The following DCK variants were observed in gnomAD, a reference collection of about 807,000 sequenced individuals.
The protein encoded by DCK is deoxycytidine kinase.
Under a neutral mutation model 38.3 loss-of-function variants are expected in DCK, and 23 were observed. The ratio of observed to expected loss-of-function variants is 0.60; its 90% confidence interval spans 0.43 to 0.85. DCK has a LOEUF of 0.85. Ranked by LOEUF, DCK falls within the 40% of genes least tolerant of loss-of-function variation. The pLI, the probability that DCK is intolerant of heterozygous loss-of-function variation, is 0.00. For synonymous variants in DCK, 108 were observed against 100.6 expected, an observed-to-expected ratio of 1.07 and a Z score of -0.44; for missense variants, 259 against 304.4, an observed-to-expected ratio of 0.85 and a Z score of 1.11.
At chr4:70,996,810 C>T (rs1389704461) in intron 1 of DCK, among the ~76,000 whole-genome samples, 2 of 152,128 alleles carry the variant, frequency 1.3e-5, no homozygotes, top group Non-Finnish European at 2.9e-5. Flanking sequence ...TGCTTCTCAT[C>T]TTAATAGTCT....
chr4:71,017,424 A>G lies in DCK; in HGVS notation c.208-4943A>G, dbSNP rs562729653. On this transcript the variant is annotated intron_variant, in intron 2 of 6. Coordinates refer to ENST00000286648, the MANE Select transcript of DCK (RefSeq NM_000788.3). ...TACCATTTGACCCAGCCATCCCATT[A>G]GTGGGTATATACCCAAAGGATTATA... Among the ~76,000 whole-genome samples the G allele has an allele frequency of 7.9e-5, 12 of 152,312 alleles. No individual in the cohort carries two copies. The East Asian group carries it at 2.3e-3, about 29-fold the overall frequency.
At chr4:71,017,465 C>G (rs1341005696) in intron 2 of DCK, among the ~76,000 whole-genome samples, 1 of 152,038 alleles carries the variant, frequency 6.6e-6, no homozygotes, top group African/African-American at 2.4e-5. Context: ...TGCTGCTATA[C>G]AGACACATGC....
rs530912927 is a variant in DCK, at chr4:71,004,466, C to CT, written c.207+6287dup. 2.5e-4 allele frequency among the ~76,000 whole-genome samples: 38 copies of CT among 152,330 alleles called. 1 individual carries two copies. The South Asian group carries it at 3.5e-3, about 14-fold the overall frequency. ...GACCCACTTGAGGATGCTGCCTGTC[C>CT]TTTAGCAGAGCTTGAGCGCTGCGCT... On this transcript the variant is annotated intron_variant, in intron 2 of 6. Transcript: ENST00000286648.
intron 3 of DCK, among the ~76,000 whole-genome samples, chr4:71,023,135 TATAA>T (rs1225073915): frequency 2.0e-5 from 3 of 152,214 alleles, no homozygotes; most frequent in Admixed American, 2.0e-4. Flanking sequence ...TACATATTAA[TATAA>T]ATACATTTGA....
rs1408455875 is a variant in DCK, at chr4:71,023,261, A to G, written c.402-298A>G. On this transcript the variant is annotated intron_variant, in intron 3 of 6. Coordinates refer to ENST00000286648, the MANE Select transcript of DCK (RefSeq NM_000788.3). ...TTAAAAGACAGCTGGATTTTTATTTATGCTTCTGTATTTAATCTGTTATGG... is the reference window on the plus strand; with the variant it reads ...TTAAAAGACAGCTGGATTTTTATTTGTGCTTCTGTATTTAATCTGTTATGG... Among the ~76,000 whole-genome samples the G allele has an allele frequency of 5.9e-5, 9 of 152,154 alleles. No homozygotes were observed. The East Asian group carries it at 1.7e-3, about 29-fold the overall frequency.
intron 2 of DCK, 111 bp downstream of exon 2, chr4:70,998,293 T>G: frequency 1.9e-6 from 1 of 532,494 alleles, no homozygotes. Flanking sequence ...TCGCTTTAGG[T>G]ATATATCTTC....
chr4:71,027,173 A>T (rs1740565907), intron 6 of DCK, among the ~76,000 whole-genome samples: 1 of 152,118 alleles, frequency 6.6e-6, no homozygotes, highest in Non-Finnish European at 1.5e-5. Flanking sequence ...ACTGCTTGTG[A>T]AATTAAATTT....
rs1022491060 is a variant in DCK at position 71,030,901 on chromosome 4, G to T, written c.*1523G>T. On this transcript the variant is annotated 3_prime_UTR_variant, in exon 7 of 7. Coordinates refer to ENST00000286648, the MANE Select transcript of DCK (RefSeq NM_000788.3). The stretch of plus-strand genomic sequence containing the variant: ...GCTAATAAAAATTTATTATTTATTT[G>T]TCATGACTCAAAAGTTGTCTCAGTG... 6.6e-6 allele frequency: 1 copy of T among 151,984 alleles called. No individual in the cohort carries two copies. Among genetic ancestry groups the T allele is most frequent in the African/African-American group, 2.4e-5 (1 of 41,384 alleles). The allele number at this position is 151,984 out of a possible 1,614,324, so 9.4% of individuals were successfully genotyped here.
chr4:70,999,333 C>T (rs1378596746), intron 2 of DCK, among the ~76,000 whole-genome samples: 1 of 152,196 alleles, frequency 6.6e-6, no homozygotes. Flanking sequence ...ATCCATGTCC[C>T]TGCAAAGGTT....
intron 2 of DCK, among the ~76,000 whole-genome samples, chr4:71,015,769 G>C (rs1460261853): frequency 6.6e-6 from 1 of 152,032 alleles, no homozygotes. Flanking sequence ...ATTAGGTATT[G>C]GTGGGATGTA....
intron 1 of DCK, 69 bp from the exon 2 acceptor site, chr4:70,997,998 C>T: frequency 1.5e-6 from 1 of 657,912 alleles, no homozygotes; most frequent in East Asian, 2.9e-5. Flanking sequence ...CTTGCAAAAG[C>T]TAATGACTAC....
chr4:71,020,847 A>C (rs1740395891), intron 2 of DCK, among the ~76,000 whole-genome samples: 1 of 152,030 alleles, frequency 6.6e-6, no homozygotes, highest in South Asian at 2.1e-4. Context: ...TAGTTTCCTA[A>C]AATATACAAG....
chr4:71,009,160 G>C (rs111961250), intron 2 of DCK, among the ~76,000 whole-genome samples: 1 of 152,120 alleles, frequency 6.6e-6, no homozygotes, highest in East Asian at 1.9e-4. Context: ...TCCATAATTT[G>C]TACACACAAG....
At chr4:71,021,926 T>C (rs1309469840) in intron 2 of DCK, among the ~76,000 whole-genome samples, 1 of 152,078 alleles carries the variant, frequency 6.6e-6, no homozygotes, top group Non-Finnish European at 1.5e-5. Flanking sequence ...TGCTTGAACC[T>C]GGTAGGTGGA....
intron 2 of DCK, among the ~76,000 whole-genome samples, chr4:71,011,232 CTTTTTTTTT>C (rs11322673): frequency 2.2e-5 from 2 of 93,008 alleles, no homozygotes; most frequent in East Asian, 3.1e-4. Flanking sequence ...TGTGAGGTCT[CTTTTTTTTT>C]TTTTTTTTTT....
At chr4:71,023,855 G>T in intron 4 of DCK, 149 bp downstream of exon 4, 2 of 622,566 alleles carry the variant, frequency 3.2e-6, no homozygotes, top group African/African-American at 1.9e-5. Flanking sequence ...TAACTGTGTA[G>T]ATAGAAGCAT....
intron 2 of DCK, among the ~76,000 whole-genome samples, chr4:71,004,822 G>T (rs530316270): frequency 6.6e-6 from 1 of 152,306 alleles, no homozygotes; most frequent in East Asian, 1.9e-4. Context: ...CCAAGCTTCA[G>T]TGTCTCAGGT....
chr4:70,996,783 T>C (rs960837104), intron 1 of DCK, among the ~76,000 whole-genome samples: 2 of 152,220 alleles, frequency 1.3e-5, no homozygotes, highest in African/African-American at 4.8e-5. Flanking sequence ...TTATGTTAGA[T>C]TGATGGAGGA....
chr4:70,998,414 A>G (rs936134114), intron 2 of DCK, among the ~76,000 whole-genome samples: 1 of 152,210 alleles, frequency 6.6e-6, no homozygotes, highest in Non-Finnish European at 1.5e-5. Context: ...GAAAGAAATA[A>G]TACAAAAAAA....
Sources: gnomAD v4.1 joint callset for allele counts (sites outside exome capture counted in the v4.1 genomes callset) on GRCh38, gnomAD v4.1.1 for gene constraint, MANE v1.5 for transcripts, NCBI Gene and HGNC (gene_info 2026-07-23, HGNC 2026-07-21) for gene names.